Variants in C12orf42 observed in about 807,000 individuals in gnomAD.
The protein encoded by C12orf42 is uncharacterized protein C12orf42.
C12orf42 carries 25 observed loss-of-function variants against 21.6 expected under a neutral mutation model. The observed-to-expected ratio is 1.16, with a 90% CI of 0.84 to 1.62. The LOEUF is 1.62. Ranked by LOEUF, C12orf42 falls within the 40% of genes most tolerant of loss-of-function variation. The probability of loss-of-function intolerance (pLI) is 0.00; values close to 1 mark genes in which losing one functional copy is unlikely to be tolerated. For missense variants in C12orf42, 483 were observed against 459.3 expected (o/e 1.05, Z -0.47); for synonymous variants, 174 against 175.0 (o/e 0.99, Z 0.05).
At chr12:103,171,040 G>A in the C12orf42 span, among the ~76,000 whole-genome samples, 6 of 151,978 alleles carry the variant, frequency 3.9e-5, no homozygotes, top group Admixed American at 1.3e-4. Flanking sequence ...ATAGATTTCT[G>A]TACTGTTTCT....
chr12:103,125,703 C>T, the C12orf42 span, among the ~76,000 whole-genome samples: 1,302 of 152,180 alleles, frequency 8.6e-3, 23 homozygotes, highest in African/African-American at 0.03. Context: ...GATGAGGACC[C>T]CGGGTCAGAT....
chr12:103,442,355 T>C (rs956439152), intron 2 of C12orf42, among the ~76,000 whole-genome samples: 1 of 152,198 alleles, frequency 6.6e-6, no homozygotes, highest in Non-Finnish European at 1.5e-5. Flanking sequence ...ATGACAGTTC[T>C]GTGAACAATG....
chr12:103,315,709 A>G (rs1389741501), intron 4 of C12orf42, among the ~76,000 whole-genome samples: 1 of 152,214 alleles, frequency 6.6e-6, no homozygotes, highest in African/African-American at 2.4e-5. Flanking sequence ...AGATCCAGAC[A>G]TCTCAGAGGA....
the C12orf42 span, among the ~76,000 whole-genome samples, chr12:103,219,374 C>A: frequency 6.6e-6 from 1 of 152,070 alleles, no homozygotes; most frequent in African/African-American, 2.4e-5. Flanking sequence ...AGTGAAACAC[C>A]AAAAGCAATG....
chr12:103,112,044 ATCATAT>A, the C12orf42 span, among the ~76,000 whole-genome samples: 1 of 152,290 alleles, frequency 6.6e-6, no homozygotes, highest in South Asian at 2.1e-4. Flanking sequence ...TTATCTGCGT[ATCATAT>A]TACTCAAAAC....
At chr12:103,505,162 A>T in the C12orf42 span, among the ~76,000 whole-genome samples, 1 of 152,182 alleles carries the variant, frequency 6.6e-6, no homozygotes, top group Non-Finnish European at 1.5e-5. Context: ...CACTTTTAAC[A>T]ATGGATGAGA....
the C12orf42 span, among the ~76,000 whole-genome samples, chr12:103,186,614 C>T: frequency 0.36 from 54,950 of 151,720 alleles, 10,569 homozygotes; most frequent in South Asian, 0.44. Context: ...TAATTGGCTA[C>T]TATGGATGTG....
chr12:103,166,009 C>T, the C12orf42 span, among the ~76,000 whole-genome samples: 9 of 150,700 alleles, frequency 6.0e-5, no homozygotes, highest in African/African-American at 2.2e-4. Flanking sequence ...CACTGCACTC[C>T]AGCCTGGGTG....
upstream of C12orf42, among the ~76,000 whole-genome samples, chr12:103,500,446 C>A (rs887834992): frequency 1.3e-5 from 2 of 152,168 alleles, no homozygotes; most frequent in East Asian, 3.8e-4. Flanking sequence ...AAAGCCCCTC[C>A]TGGGTAGAAG....
At chr12:103,155,604 G>T in the C12orf42 span, among the ~76,000 whole-genome samples, 1 of 151,048 alleles carries the variant, frequency 6.6e-6, no homozygotes, top group Non-Finnish European at 1.5e-5. Context: ...TATTTCTAAA[G>T]ATTTTATTAA....
chr12:103,350,236 T>C (rs79463868), intron 4 of C12orf42, among the ~76,000 whole-genome samples: 1,949 of 152,222 alleles, frequency 0.013, 38 homozygotes, highest in African/African-American at 0.043. Context: ...AAACCACACA[T>C]ACATTTTAAA....
chr12:103,209,500 C>T, the C12orf42 span, among the ~76,000 whole-genome samples: 38 of 152,140 alleles, frequency 2.5e-4, no homozygotes, highest in African/African-American at 9.2e-4. Flanking sequence ...TTACACATTC[C>T]TTGAAGTATA....
intron 1 of C12orf42, among the ~76,000 whole-genome samples, chr12:103,488,158 T>A (rs981706949): frequency 6.6e-6 from 1 of 152,216 alleles, no homozygotes; most frequent in Non-Finnish European, 1.5e-5. Flanking sequence ...CTGGTGGTGA[T>A]AAAATCTCTC....
At chr12:103,329,478 C>T (rs1481503250) in intron 4 of C12orf42, among the ~76,000 whole-genome samples, 1 of 151,878 alleles carries the variant, frequency 6.6e-6, no homozygotes, top group Admixed American at 6.6e-5. Flanking sequence ...AGCAAACCCC[C>T]CTGGCATGTG....
the C12orf42 span, among the ~76,000 whole-genome samples, chr12:103,056,487 TGACAA>T: frequency 6.6e-6 from 1 of 152,310 alleles, no homozygotes. Flanking sequence ...TTATGTCTTG[TGACAA>T]ATTCTGAAAG....
intron 4 of C12orf42, among the ~76,000 whole-genome samples, chr12:103,331,576 A>G (rs1379331770): frequency 6.6e-6 from 1 of 152,230 alleles, no homozygotes; most frequent in Non-Finnish European, 1.5e-5. Flanking sequence ...AGGCAAGTCC[A>G]GGGAGCTGAA....
chr12:103,222,262 G>A, the C12orf42 span, among the ~76,000 whole-genome samples: 1 of 151,818 alleles, frequency 6.6e-6, no homozygotes, highest in African/African-American at 2.4e-5. Flanking sequence ...GATTTGGGTA[G>A]GTAAAGGAAA....
chr12:103,392,618 CT>C (rs5800585), intron 3 of C12orf42, among the ~76,000 whole-genome samples: 91,239 of 151,976 alleles, frequency 0.6, 29,013 homozygotes, highest in Admixed American at 0.72. Context: ...TCTTAATTTC[CT>C]TTTCAGGTTG....
At chr12:103,337,543 G>C (rs190778746) in intron 4 of C12orf42, among the ~76,000 whole-genome samples, 2 of 152,170 alleles carry the variant, frequency 1.3e-5, no homozygotes, top group East Asian at 3.9e-4. Context: ...TAGTAGAGAC[G>C]GGGTTTCACA....
Sources: allele counts gnomAD v4.1 joint callset (sites outside exome capture counted in the v4.1 genomes callset), GRCh38; gene constraint gnomAD v4.1.1; transcripts MANE v1.5; gene names NCBI Gene and HGNC (gene_info 2026-07-23, HGNC 2026-07-21).